MLLT3: variants seen among roughly 807,000 people sequenced by gnomAD.
MLLT3 encodes protein AF-9.
MLLT3 carries 4 observed loss-of-function variants against 53.2 expected under a neutral mutation model. The ratio of observed to expected loss-of-function variants is 0.08; its 90% CI spans 0.04 to 0.17. The LOEUF (loss-of-function observed/expected upper bound fraction) is 0.17, where lower values mean the gene tolerates loss of function less well. MLLT3 is among the 10% of genes least tolerant of loss of function. MLLT3 has a pLI of 1.00. For synonymous variants in MLLT3, 283 were observed against 230.6 expected, an observed-to-expected ratio of 1.23 and a Z score of -2.06; for missense variants, 569 against 684.0, an observed-to-expected ratio of 0.83 and a Z score of 1.87.
chr9:20,566,170 G>T (rs1307654585), intron 2 of MLLT3, among the ~76,000 whole-genome samples: 1 of 149,690 alleles, frequency 6.7e-6, no homozygotes, highest in Non-Finnish European at 1.5e-5. Flanking sequence ...TGAGCATAGT[G>T]GCTCATGCCT....
intron 2 of MLLT3, among the ~76,000 whole-genome samples, chr9:20,477,737 C>T (rs1398137164): frequency 6.6e-6 from 1 of 152,046 alleles, no homozygotes. Context: ...CAGGGAGATA[C>T]AGAGAGGGTG....
At chr9:20,485,746 G>A (rs201451868) in intron 2 of MLLT3, among the ~76,000 whole-genome samples, 1 of 11,194 alleles carries the variant, frequency 8.9e-5, no homozygotes, top group African/African-American at 4.3e-4. Flanking sequence ...ATATACACAC[G>A]TGTGTGTGTG....
At chr9:20,433,428 G>A (rs1823326370) in intron 4 of MLLT3, among the ~76,000 whole-genome samples, 2 of 152,042 alleles carry the variant, frequency 1.3e-5, no homozygotes, top group Admixed American at 1.3e-4. Context: ...GAGGAAAAAT[G>A]GGATATTTAC....
chr9:20,409,804 G>C (rs1822677775), intron 5 of MLLT3, among the ~76,000 whole-genome samples: 1 of 152,054 alleles, frequency 6.6e-6, no homozygotes, highest in South Asian at 2.1e-4. Flanking sequence ...ATCTCTTTAT[G>C]AGAAACATTT....
rs146612537 is a variant in MLLT3, at chr9:20,565,064, G to C, written c.193+55590C>G. 4.0e-5 allele frequency among the ~76,000 whole-genome samples: 6 copies of C among 151,718 alleles called. No individual in the cohort carries two copies. In the East Asian group the frequency reaches 1.2e-3, roughly 29 times the overall value. The stretch of plus-strand genomic sequence containing the variant: ...TATCACTATAGTACTGGCATATACA[G>C]AGAATCAAGGAATTAACTGCTTTAT... On this transcript the variant is annotated intron_variant, in intron 2 of 10. Transcript: ENST00000380338.
At chr9:20,491,130 C>G (rs1325771726) in intron 2 of MLLT3, among the ~76,000 whole-genome samples, 1 of 151,938 alleles carries the variant, frequency 6.6e-6, no homozygotes, top group African/African-American at 2.4e-5. Flanking sequence ...TAAGTCAACC[C>G]AACAGGAAAA....
At chr9:20,584,766 C>A (rs1819905269) in intron 2 of MLLT3, among the ~76,000 whole-genome samples, 1 of 152,220 alleles carries the variant, frequency 6.6e-6, no homozygotes, top group African/African-American at 2.4e-5. Flanking sequence ...AGATACAATT[C>A]AAGTTGAGAT....
chr9:20,386,507 C>A (rs930704144), intron 5 of MLLT3, among the ~76,000 whole-genome samples: 7 of 152,188 alleles, frequency 4.6e-5, no homozygotes, highest in African/African-American at 1.7e-4. Flanking sequence ...TGTCATCAAG[C>A]TTTGTTTGGA....
chr9:20,406,037 A>C (rs1347811063), intron 5 of MLLT3, among the ~76,000 whole-genome samples: 1 of 152,024 alleles, frequency 6.6e-6, no homozygotes, highest in Non-Finnish European at 1.5e-5. Flanking sequence ...GCTTGAACCT[A>C]GGAGGCAGAG....
intron 3 of MLLT3, among the ~76,000 whole-genome samples, chr9:20,452,511 C>T (rs912904714): frequency 1.3e-5 from 2 of 152,086 alleles, no homozygotes; most frequent in African/African-American, 2.4e-5. Context: ...TACCCAGTCT[C>T]GGGTATTAAT....
rs146939624 is a variant in MLLT3 at position 20,574,673 on chromosome 9, C to G, written c.193+45981G>C. ...TCCCCTCATTTTGCTAGTGGAGGGT[C>G]CTGCCTGGATGTTGATGGCTGCTGA... On this transcript the variant is annotated intron_variant, in intron 2 of 10. Coordinates refer to ENST00000380338, the MANE Select transcript of MLLT3 (RefSeq NM_004529.4). 4.5e-3 allele frequency among the ~76,000 whole-genome samples: 683 copies of G among 152,216 alleles called. 4 individuals are homozygous for G. Among genetic ancestry groups the G allele is most frequent in the African/African-American group, 0.015 (613 of 41,526 alleles).
chr9:20,544,900 C>G (rs1818745576), intron 2 of MLLT3, among the ~76,000 whole-genome samples: 2 of 151,970 alleles, frequency 1.3e-5, no homozygotes, highest in African/African-American at 4.8e-5. Flanking sequence ...ATCTAGGCAA[C>G]AAAGTAAGAA....
chr9:20,349,580 C>T (rs1248732828), intron 10 of MLLT3, among the ~76,000 whole-genome samples: 6 of 151,936 alleles, frequency 3.9e-5, no homozygotes, highest in South Asian at 2.1e-4. Context: ...CAGTTTTCCA[C>T]GACCCAATAT....
chr9:20,528,644 C>T (rs1818259050), intron 2 of MLLT3, among the ~76,000 whole-genome samples: 1 of 152,226 alleles, frequency 6.6e-6, no homozygotes, highest in Admixed American at 6.5e-5. Flanking sequence ...TGTGTGTCTC[C>T]ATCTTCACAG....
At chr9:20,392,329 A>G (rs906134485) in intron 5 of MLLT3, among the ~76,000 whole-genome samples, 3 of 152,194 alleles carry the variant, frequency 2.0e-5, no homozygotes, top group Non-Finnish European at 2.9e-5. Context: ...GACACCAAAC[A>G]TAAGGCCCAG....
chr9:20,439,334 T>A (rs547269438), intron 4 of MLLT3, among the ~76,000 whole-genome samples: 2 of 151,324 alleles, frequency 1.3e-5, no homozygotes, highest in African/African-American at 4.9e-5. Flanking sequence ...CCAGCTTGGG[T>A]GACAGAGCAA....
intron 2 of MLLT3, among the ~76,000 whole-genome samples, chr9:20,488,293 T>G (rs1226696753): frequency 6.6e-6 from 1 of 152,094 alleles, no homozygotes; most frequent in Non-Finnish European, 1.5e-5. Context: ...TGATAATGAC[T>G]GTGCAACAAT....
intron 2 of MLLT3, among the ~76,000 whole-genome samples, chr9:20,566,732 A>T (rs1050240821): frequency 4.6e-5 from 7 of 152,096 alleles, no homozygotes; most frequent in Non-Finnish European, 8.8e-5. Flanking sequence ...TTCAGAAACA[A>T]GGAGAAACAC....
At chr9:20,548,978 C>A (rs1014160320) in intron 2 of MLLT3, among the ~76,000 whole-genome samples, 5 of 152,018 alleles carry the variant, frequency 3.3e-5, no homozygotes, top group Non-Finnish European at 7.4e-5. Context: ...CCATACCCGG[C>A]TAATTTTAGT....
Sources: gnomAD v4.1 joint callset for allele counts (sites outside exome capture counted in the v4.1 genomes callset) on GRCh38, gnomAD v4.1.1 for gene constraint, MANE v1.5 for transcripts, NCBI Gene and HGNC (gene_info 2026-07-23, HGNC 2026-07-21) for gene names.